The following CEP135 variants were observed in gnomAD, a reference collection of about 807,000 sequenced individuals.
The protein encoded by CEP135 is centrosomal protein of 135 kDa.
In CEP135, 142 loss-of-function variants were observed where a neutral mutation model predicts 157.3. The observed-to-expected ratio is 0.90, with a 90% CI of 0.79 to 1.04. The LOEUF (loss-of-function observed/expected upper bound fraction) is 1.04, where lower values mean the gene tolerates loss of function less well. Among genes scored for constraint, CEP135 ranks in the 50% least tolerant of loss-of-function variants. The probability of loss-of-function intolerance (pLI) is 0.00; values close to 1 mark genes in which losing one functional copy is unlikely to be tolerated. For missense variants in CEP135, 1,317 were observed against 1,309.2 expected, an observed-to-expected ratio of 1.01 and a Z score of -0.09; for synonymous variants, 396 against 439.8, an observed-to-expected ratio of 0.90 and a Z score of 1.25.
At chr4:56,012,064 T>C in intron 21 of CEP135, 79 bp downstream of exon 21, 1 of 956,378 alleles carries the variant, frequency 1.0e-6, no homozygotes, top group Non-Finnish European at 1.4e-6. Flanking sequence ...TATTTATTTA[T>C]TTATTTTTTT....
At chr4:56,019,254 T>A in intron 22 of CEP135, 99 bp from the exon 23 acceptor site, 1 of 867,246 alleles carries the variant, frequency 1.2e-6, no homozygotes, top group Non-Finnish European at 1.8e-6. Flanking sequence ...AAACAAGTGA[T>A]AGGTGAATAG....
chr4:56,017,770 A>G lies in CEP135; in HGVS notation c.2925A>G (p.Ser975=), dbSNP rs771383860. The G allele has an allele frequency of 6.2e-7, 1 of 1,614,002 alleles. No individual in the cohort carries two copies. The highest frequency in any genetic ancestry group is 8.5e-7 in the Non-Finnish European group (1 of 1,180,006). The part of the protein sequence containing the change: ...DEKATVLNDL[S]SLRELCIKLD... ...AAGCAACAGTATTAAATGACTTGTCATCTCTTAGAGAACTTTGCATTAAAC... is the reference window on the plus strand; with the variant it reads ...AAGCAACAGTATTAAATGACTTGTCGTCTCTTAGAGAACTTTGCATTAAAC... Residue 975 remains serine, a synonymous_variant, in exon 22 of 26, where the codon TCA becomes TCG. Coordinates refer to ENST00000257287, the MANE Select transcript of CEP135 (RefSeq NM_025009.5).
In CEP135 at chr4:55,985,558, G is replaced by A. The variant is rs553083768; in HGVS notation, c.1857+200G>A. The stretch of plus-strand genomic sequence containing the variant: ...GCAACCTCCAACTCCAGCTTCAAGC[G>A]ATTCTCCTGCCTCAGCCTCCTGAGT... On this transcript the variant is annotated intron_variant, in intron 14 of 25. Transcript: ENST00000257287. Among the ~76,000 whole-genome samples the A allele has an allele frequency of 4.5e-4, 68 of 152,124 alleles. No individual in the cohort carries two copies. The South Asian group carries it at 5.2e-3, about 12-fold the overall frequency.
chr4:56,011,917 C>G lies in CEP135; in HGVS notation c.2734C>G (p.Leu912Val). 3.1e-6 allele frequency: 5 copies of G among 1,602,294 alleles called. No individual in the cohort carries two copies. The highest frequency in any genetic ancestry group is 4.3e-6 in the Non-Finnish European group (5 of 1,174,480). The change falls in exon 21 of 26, where the codon CTT becomes GTT. Residue 912 changes from leucine (L) to valine (V), a missense_variant. Physicochemically the swap from Leu to Val is conservative, Grantham distance 32. Transcript: ENST00000257287. ...AAGCAGCTCAGTTCGACTGGAACTT[C>G]TTTCTATTGACACTGAGAGGAGACA... ...GESSSVRLEL[L>V]SIDTERRHLR...
chr4:56,003,237 G>A (rs1394464222), intron 17 of CEP135, among the ~76,000 whole-genome samples: 1 of 151,710 alleles, frequency 6.6e-6, no homozygotes, highest in Non-Finnish European at 1.5e-5. Context: ...GCTCAGGGTG[G>A]AGTGCAGTGG....
chr4:56,008,053 G>C (rs1216237540), intron 17 of CEP135, among the ~76,000 whole-genome samples: 5 of 152,044 alleles, frequency 3.3e-5, no homozygotes, highest in African/African-American at 1.2e-4. Context: ...TTCAAATAAT[G>C]TTAATCTTCA....
chr4:56,027,212 G>A (rs2109755458), intron 25 of CEP135, among the ~76,000 whole-genome samples: 1 of 152,314 alleles, frequency 6.6e-6, no homozygotes, highest in East Asian at 1.9e-4. Context: ...ACAAAGGATT[G>A]TAAGAATGTG....
At chr4:55,953,335 G>A in intron 3 of CEP135, 60 bp downstream of exon 3, 1 of 1,247,190 alleles carries the variant, frequency 8.0e-7, no homozygotes, top group Non-Finnish European at 1.1e-6. Context: ...ATTTTAGAAG[G>A]AAAAGCTAAC....
chr4:55,957,827 A>T (rs745352181), intron 5 of CEP135, among the ~76,000 whole-genome samples: 1 of 152,180 alleles, frequency 6.6e-6, no homozygotes, highest in Non-Finnish European at 1.5e-5. Context: ...TTTGATTGAA[A>T]TGTTATTAAA....
chr4:55,957,236 A>G lies in CEP135; in HGVS notation c.486A>G (p.Arg162=), dbSNP rs1171832091. 10 of 1,613,478 alleles carry G rather than the reference A, an allele frequency of 6.2e-6. No individual in the cohort carries two copies. The highest frequency in any genetic ancestry group is 8.5e-6 in the Non-Finnish European group (10 of 1,179,872). Residue 162 remains arginine, a synonymous_variant, in exon 5 of 26, where the codon AGA becomes AGG. Transcript: ENST00000257287. ...AVVQTPGGKK[R]SIAFRRQRMQ... ...CATTCTTTTTAGGTGGCAAGAAAAGAAGTATTGCTTTCAGGCGCCAGCGTA... is the reference window on the plus strand; with the variant it reads ...CATTCTTTTTAGGTGGCAAGAAAAGGAGTATTGCTTTCAGGCGCCAGCGTA...
intron 10 of CEP135, among the ~76,000 whole-genome samples, chr4:55,971,818 C>T (rs1033586758): frequency 6.6e-6 from 1 of 152,116 alleles, no homozygotes; most frequent in Non-Finnish European, 1.5e-5. Flanking sequence ...TAACTTTCTA[C>T]AGGTACCAGT....
At position 55,964,326 on chromosome 4, in the gene CEP135, G is replaced by A. The variant is rs980201124; in HGVS notation, c.752G>A (p.Gly251Asp). The A allele has an allele frequency of 1.2e-6, 2 of 1,613,546 alleles. No homozygotes were observed. Among genetic ancestry groups the A allele is most frequent in the Non-Finnish European group, 1.7e-6 (2 of 1,179,674 alleles). ...CGACTGTCAGTTGCTTTGGATGGTG[G>A]TCGGTCCCCTGATGTCCTTTCTCTG... ...IERLSVALDG[G>D]RSPDVLSLES... The change falls in exon 7 of 26, where the codon GGT (glycine) becomes GAT (aspartate). Residue 251 changes from glycine to aspartate, a missense_variant. Gly to Asp is a moderately conservative substitution (Grantham distance 94). Transcript: ENST00000257287.
intron 11 of CEP135, among the ~76,000 whole-genome samples, chr4:55,975,291 G>T (rs1241218773): frequency 6.6e-6 from 1 of 152,204 alleles, no homozygotes; most frequent in Non-Finnish European, 1.5e-5. Context: ...TGTATCAGCT[G>T]CATTTTCTCT....
In CEP135 at chr4:55,980,210, G is replaced by A; in HGVS notation, c.1541G>A (p.Arg514Lys). The change falls in exon 12 of 26, where the codon AGA becomes AAA. Residue 514 changes from arginine to lysine, a missense_variant. Transcript: ENST00000257287. The stretch of plus-strand genomic sequence containing the variant: ...GATGAACTTCAGCGTATGCTAGAAA[G>A]ATTTGAAAAATATATGGAAGATATA... ...ERDELQRMLE[R>K]FEKYMEDIQS... 1.9e-6 allele frequency: 3 copies of A among 1,604,678 alleles called. No individual in the cohort carries two copies. Among genetic ancestry groups the A allele is most frequent in the Non-Finnish European group, 2.6e-6 (3 of 1,172,224 alleles).
intron 21 of CEP135, among the ~76,000 whole-genome samples, chr4:56,014,915 C>A (rs1730718185): frequency 6.6e-6 from 1 of 152,008 alleles, no homozygotes; most frequent in Admixed American, 6.6e-5. Flanking sequence ...AAATAATTAG[C>A]CAAACATGGT....
chr4:56,006,922 C>A (rs1730366030), intron 17 of CEP135, among the ~76,000 whole-genome samples: 1 of 152,114 alleles, frequency 6.6e-6, no homozygotes, highest in Non-Finnish European at 1.5e-5. Context: ...GAGACAGAGT[C>A]TTGCTCTGTC....
intron 11 of CEP135, among the ~76,000 whole-genome samples, chr4:55,978,944 A>G (rs1475135534): frequency 6.6e-6 from 1 of 152,230 alleles, no homozygotes; most frequent in Non-Finnish European, 1.5e-5. Flanking sequence ...TTGTACTATA[A>G]AATATCTTGT....
Position 55,998,880 on chromosome 4 carries a change from A to G in CEP135, c.2010-422A>G, listed in dbSNP as rs77317546. 9.9e-3 allele frequency among the ~76,000 whole-genome samples: 1,509 copies of G among 152,298 alleles called. 26 individuals carry two copies. The highest frequency in any genetic ancestry group is 0.084 in the South Asian group (405 of 4,826). ...ACCCTGCCTCAAACAAACAAAAAAA[A>G]GAGCTCACTGGTTGAGATGGTTAGG... On this transcript the variant is annotated intron_variant, in intron 15 of 25. Transcript: ENST00000257287.
At chr4:55,970,024 C>T (rs1370501132) in intron 9 of CEP135, among the ~76,000 whole-genome samples, 1 of 146,270 alleles carries the variant, frequency 6.8e-6, no homozygotes, top group Non-Finnish European at 1.5e-5. Flanking sequence ...CAGGCATGTG[C>T]CACCGTGCCT....
Sources: allele counts gnomAD v4.1 joint callset (sites outside exome capture counted in the v4.1 genomes callset), GRCh38; gene constraint gnomAD v4.1.1; transcripts MANE v1.5; gene names NCBI Gene and HGNC (gene_info 2026-07-23, HGNC 2026-07-21).